ADK: variants seen among roughly 807,000 people sequenced by gnomAD.
ADK encodes the protein N6,N6-dimethyladenosine kinase.
A neutral mutation model predicts 44.7 loss-of-function variants in ADK; 24 were observed. That is an observed-to-expected ratio of 0.54 (90% CI 0.39 to 0.76). The LOEUF is 0.76. ADK is among the 30% of genes least tolerant of loss of function. The pLI is 0.00. For missense variants in ADK, 321 were observed against 425.1 expected, an observed-to-expected ratio of 0.76 and a Z score of 2.15; for synonymous variants, 128 against 142.6, an observed-to-expected ratio of 0.90 and a Z score of 0.73.
intron 6 of ADK, among the ~76,000 whole-genome samples, chr10:74,520,149 T>C (rs868860722): frequency 1.3e-5 from 2 of 152,154 alleles, no homozygotes; most frequent in Middle Eastern, 3.4e-3. Context: ...AGCCTCATTA[T>C]ATATAGTTGC....
chr10:74,473,396 C>T (rs559826958), intron 6 of ADK, among the ~76,000 whole-genome samples: 1 of 152,138 alleles, frequency 6.6e-6, no homozygotes, highest in South Asian at 2.1e-4. Flanking sequence ...AACATTGGTA[C>T]AATACCATTA....
intron 6 of ADK, among the ~76,000 whole-genome samples, chr10:74,460,296 C>T (rs1846124940): frequency 6.6e-6 from 1 of 152,116 alleles, no homozygotes; most frequent in African/African-American, 2.4e-5. Context: ...CTGTGTTATC[C>T]TAATGACACA....
intron 9 of ADK, among the ~76,000 whole-genome samples, chr10:74,664,013 C>CCATA (rs574808022): frequency 8.4e-4 from 127 of 152,088 alleles, no homozygotes; most frequent in Non-Finnish European, 1.5e-3. Context: ...TCAGTTCTCT[C>CCATA]CATAAAGCTG....
At chr10:74,364,262 GT>G (rs1842430215) in intron 4 of ADK, among the ~76,000 whole-genome samples, 1 of 151,892 alleles carries the variant, frequency 6.6e-6, no homozygotes, top group Non-Finnish European at 1.5e-5. Flanking sequence ...TGCTAACTTT[GT>G]TGTAAATGTG....
rs886466363 is a variant in ADK at position 74,691,598 on chromosome 10, G to T, written c.965-16723G>T. The stretch of plus-strand genomic sequence containing the variant: ...TAGATCATTGCACCCAGTCCTTAAG[G>T]ATCTGAGCCAGAGCCATGGAGAATA... On this transcript the variant is annotated intron_variant, in intron 10 of 10. Coordinates refer to ENST00000539909, the MANE Select transcript of ADK (RefSeq NM_006721.4). 3.9e-5 allele frequency among the ~76,000 whole-genome samples: 6 copies of T among 152,110 alleles called. No individual in the cohort carries two copies. In the East Asian group the frequency reaches 1.2e-3, roughly 29 times the overall value.
At chr10:74,305,122 T>A (rs1840199383) in intron 3 of ADK, among the ~76,000 whole-genome samples, 1 of 152,236 alleles carries the variant, frequency 6.6e-6, no homozygotes, top group Non-Finnish European at 1.5e-5. Flanking sequence ...GTAGTTGTTA[T>A]ACTCTCTTGT....
intron 6 of ADK, among the ~76,000 whole-genome samples, chr10:74,513,508 A>G (rs1848431130): frequency 1.3e-5 from 2 of 152,070 alleles, no homozygotes; most frequent in South Asian, 2.1e-4. Flanking sequence ...CTTCTTTTAC[A>G]GCTTTTGACT....
At chr10:74,347,233 A>G (rs1297763390) in intron 4 of ADK, among the ~76,000 whole-genome samples, 1 of 148,308 alleles carries the variant, frequency 6.7e-6, no homozygotes, top group African/African-American at 2.5e-5. Context: ...TAAGGTACCC[A>G]GTTCATCTCA....
chr10:74,445,317 A>T (rs1845556489), intron 6 of ADK, among the ~76,000 whole-genome samples: 1 of 151,994 alleles, frequency 6.6e-6, no homozygotes, highest in African/African-American at 2.4e-5. Context: ...AATTAATTTC[A>T]GTATTAACAC....
chr10:74,406,526 T>TAAGAAG (rs57627124), intron 6 of ADK, among the ~76,000 whole-genome samples: 44 of 136,146 alleles, frequency 3.2e-4, no homozygotes, highest in Non-Finnish European at 5.8e-4. Context: ...ATAATAATAA[T>TAAGAAG]AAGAAGAAGA....
chr10:74,547,444 A>ATT (rs1554879408), intron 7 of ADK, among the ~76,000 whole-genome samples: 4,877 of 25,512 alleles, frequency 0.19, 324 homozygotes, highest in African/African-American at 0.32. Context: ...ATATATATAT[A>ATT]TATTTATTTA....
intron 10 of ADK, among the ~76,000 whole-genome samples, chr10:74,672,956 T>C (rs934806201): frequency 6.6e-6 from 1 of 152,152 alleles, no homozygotes; most frequent in African/African-American, 2.4e-5. Context: ...AAGTCAGTGC[T>C]TTTACTCACC....
At chr10:74,248,679 A>G (rs1845526825) in intron 3 of ADK, among the ~76,000 whole-genome samples, 2 of 152,186 alleles carry the variant, frequency 1.3e-5, no homozygotes, top group African/African-American at 4.8e-5. Flanking sequence ...TAAGTGTTTG[A>G]GTATACTTGT....
At chr10:74,464,066 T>G (rs1589136391) in intron 6 of ADK, among the ~76,000 whole-genome samples, 1 of 152,206 alleles carries the variant, frequency 6.6e-6, no homozygotes, top group Non-Finnish European at 1.5e-5. Flanking sequence ...ACATGTTACT[T>G]GTGTTTTTCC....
intron 9 of ADK, among the ~76,000 whole-genome samples, chr10:74,649,144 C>A (rs757498655): frequency 1.3e-5 from 2 of 151,978 alleles, no homozygotes; most frequent in Non-Finnish European, 2.9e-5. Context: ...ACCTGGGAGG[C>A]GGAGTTTGCA....
chr10:74,427,013 G>C lies in ADK; in HGVS notation c.555+28434G>C, dbSNP rs113198869. Among the ~76,000 whole-genome samples, 762 of 152,012 alleles carry C rather than the reference G, an allele frequency of 5.0e-3. 11 individuals are homozygous for C. Among genetic ancestry groups the C allele is most frequent in the African/African-American group, 0.017 (712 of 41,460 alleles). On this transcript the variant is annotated intron_variant, in intron 6 of 10. Transcript: ENST00000539909. ...GTGTCCATGTGTTCTCATTGATAAAGTTAATTTTAAAGTAAAATGAATACT... is the reference window on the plus strand; with the variant it reads ...GTGTCCATGTGTTCTCATTGATAAACTTAATTTTAAAGTAAAATGAATACT...
At chr10:74,240,101 A>G (rs1398866340) in intron 3 of ADK, among the ~76,000 whole-genome samples, 4 of 151,188 alleles carry the variant, frequency 2.6e-5, no homozygotes, top group Non-Finnish European at 5.9e-5. Flanking sequence ...TGCAACCTCT[A>G]CCTCCCAGGT....
chr10:74,600,354 AT>A (rs779313603), intron 8 of ADK, 24 bp from the exon 9 acceptor site: 27 of 1,505,364 alleles, frequency 1.8e-5, no homozygotes, highest in Non-Finnish European at 2.3e-5. Flanking sequence ...GGTCATGAGA[AT>A]TTTTTCCTTC....
At chr10:74,685,058 A>T (rs181770962) in intron 10 of ADK, among the ~76,000 whole-genome samples, 5 of 152,360 alleles carry the variant, frequency 3.3e-5, no homozygotes, top group Admixed American at 2.6e-4. Context: ...CATGAAAAGC[A>T]TTCATGTGAA....
Sources: allele counts gnomAD v4.1 joint callset (sites outside exome capture counted in the v4.1 genomes callset), GRCh38; gene constraint gnomAD v4.1.1; transcripts MANE v1.5; gene names NCBI Gene and HGNC (gene_info 2026-07-23, HGNC 2026-07-21).